The following TOX variants were observed in gnomAD, a reference collection of about 807,000 sequenced individuals.
TOX encodes thymocyte selection-associated high mobility group box protein TOX.
A neutral mutation model predicts 53.7 loss-of-function variants in TOX; 11 were observed. That is an observed-to-expected ratio of 0.20 (90% CI 0.13 to 0.34). The LOEUF (loss-of-function observed/expected upper bound fraction) is 0.34, where lower values mean the gene tolerates loss of function less well. TOX is among the 10% of genes least tolerant of loss of function. TOX has a pLI of 1.00. For synonymous variants in TOX, 225 were observed against 245.3 expected, an observed-to-expected ratio of 0.92 and a Z score of 0.77; for missense variants, 570 against 664.6, an observed-to-expected ratio of 0.86 and a Z score of 1.56.
At chr8:59,081,863 C>T (rs770964823) in intron 1 of TOX, among the ~76,000 whole-genome samples, 17 of 152,068 alleles carry the variant, frequency 1.1e-4, no homozygotes, top group Non-Finnish European at 1.9e-4. Flanking sequence ...GAATACTGCA[C>T]GGCAGACTTC....
intron 1 of TOX, among the ~76,000 whole-genome samples, chr8:59,035,369 T>C (rs1431736513): frequency 1.3e-5 from 2 of 152,098 alleles, no homozygotes; most frequent in Non-Finnish European, 2.9e-5. Context: ...TACCTTCCAT[T>C]CCTTATTTTT....
intron 1 of TOX, among the ~76,000 whole-genome samples, chr8:58,965,894 G>GT (rs67045037): frequency 0.16 from 8,053 of 49,356 alleles, 3,077 homozygotes; most frequent in Non-Finnish European, 0.22. Context: ...ACGAGTCATC[G>GT]TTTTTTTTTT....
intron 1 of TOX, among the ~76,000 whole-genome samples, chr8:59,049,731 GC>G (rs1268251382): frequency 1.4e-4 from 21 of 152,144 alleles, no homozygotes; most frequent in African/African-American, 4.8e-4. Context: ...AGGTAGAAGA[GC>G]ATTTCTGCTG....
At chr8:58,997,042 C>T (rs544795691) in intron 1 of TOX, among the ~76,000 whole-genome samples, 6 of 152,144 alleles carry the variant, frequency 3.9e-5, no homozygotes, top group Non-Finnish European at 8.8e-5. Flanking sequence ...AAACTAGTAA[C>T]CAGAACCAGA....
intron 3 of TOX, among the ~76,000 whole-genome samples, chr8:58,866,551 G>C (rs909218312): frequency 3.3e-5 from 5 of 152,074 alleles, no homozygotes; most frequent in African/African-American, 1.2e-4. Flanking sequence ...ATGCCCCCAG[G>C]CAATCTTAAC....
At chr8:58,990,973 T>A (rs1311094058) in intron 1 of TOX, among the ~76,000 whole-genome samples, 1 of 152,238 alleles carries the variant, frequency 6.6e-6, no homozygotes, top group Non-Finnish European at 1.5e-5. Context: ...ATTGAGCACT[T>A]ACAAAATTGA....
At chr8:58,900,503 C>A (rs144578557) in intron 3 of TOX, among the ~76,000 whole-genome samples, 6 of 152,038 alleles carry the variant, frequency 3.9e-5, no homozygotes, top group Non-Finnish European at 8.8e-5. Flanking sequence ...CTACTTTAAG[C>A]TGTTTTTAAC....
intron 1 of TOX, among the ~76,000 whole-genome samples, chr8:59,106,395 T>C (rs1191270732): frequency 6.6e-6 from 1 of 152,194 alleles, no homozygotes; most frequent in African/African-American, 2.4e-5. Flanking sequence ...TTTCCCAACT[T>C]GTAACTGAAA....
chr8:58,997,618 C>A (rs111934147), intron 1 of TOX, among the ~76,000 whole-genome samples: 1 of 152,262 alleles, frequency 6.6e-6, no homozygotes, highest in Non-Finnish European at 1.5e-5. Context: ...CACTATTTGA[C>A]AAAATCTTGC....
At chr8:58,889,482 G>A (rs555557767) in intron 3 of TOX, among the ~76,000 whole-genome samples, 7 of 152,084 alleles carry the variant, frequency 4.6e-5, no homozygotes, top group Admixed American at 3.9e-4. Context: ...CCAAGTCTGT[G>A]GCTACCTCTT....
At chr8:59,008,857 C>A (rs946679393) in intron 1 of TOX, among the ~76,000 whole-genome samples, 1 of 152,224 alleles carries the variant, frequency 6.6e-6, no homozygotes, top group African/African-American at 2.4e-5. Flanking sequence ...TGGCACACTA[C>A]AAATCAGCAG....
chr8:58,874,114 G>A (rs1213322373), intron 3 of TOX, among the ~76,000 whole-genome samples: 1 of 151,128 alleles, frequency 6.6e-6, no homozygotes, highest in Non-Finnish European at 1.5e-5. Context: ...CTACTATAAG[G>A]GACTTTAATC....
intron 3 of TOX, among the ~76,000 whole-genome samples, chr8:58,895,637 G>T (rs1051200139): frequency 6.6e-6 from 1 of 152,168 alleles, no homozygotes; most frequent in East Asian, 1.9e-4. Flanking sequence ...CTGACCTTCA[G>T]AATTATGTGG....
intron 2 of TOX, among the ~76,000 whole-genome samples, chr8:58,951,863 G>C (rs988848497): frequency 6.6e-6 from 1 of 152,154 alleles, no homozygotes; most frequent in African/African-American, 2.4e-5. Flanking sequence ...AAAGGATGTA[G>C]GGAGAACATT....
At chr8:58,986,404 A>G (rs1813328431) in intron 1 of TOX, among the ~76,000 whole-genome samples, 1 of 152,266 alleles carries the variant, frequency 6.6e-6, no homozygotes, top group African/African-American at 2.4e-5. Flanking sequence ...GTAAGATTAC[A>G]GCCTGGTACT....
intron 3 of TOX, among the ~76,000 whole-genome samples, chr8:58,935,291 G>T (rs1812325198): frequency 6.6e-6 from 1 of 151,640 alleles, no homozygotes; most frequent in Non-Finnish European, 1.5e-5. Flanking sequence ...TAATATAAAA[G>T]AACTTAAGTA....
chr8:58,828,171 C>T (rs1810395411), intron 5 of TOX, among the ~76,000 whole-genome samples: 1 of 152,080 alleles, frequency 6.6e-6, no homozygotes, highest in African/African-American at 2.4e-5. Flanking sequence ...TTTGCTGAGC[C>T]CAACGCCAGC....
intron 1 of TOX, among the ~76,000 whole-genome samples, chr8:58,983,157 G>A (rs1813233113): frequency 6.6e-6 from 1 of 152,166 alleles, no homozygotes; most frequent in Admixed American, 6.5e-5. Context: ...ATGTACTTTA[G>A]CTACTAGCTT....
chr8:58,910,602 C>A (rs1278873815), intron 3 of TOX, among the ~76,000 whole-genome samples: 5 of 152,080 alleles, frequency 3.3e-5, no homozygotes, highest in African/African-American at 1.2e-4. Context: ...TTTTTTCTTT[C>A]TCTGGAATAC....
Sources: allele counts gnomAD v4.1 joint callset (sites outside exome capture counted in the v4.1 genomes callset), GRCh38; gene constraint gnomAD v4.1.1; transcripts MANE v1.5; gene names NCBI Gene and HGNC (gene_info 2026-07-23, HGNC 2026-07-21).